DAB2IP: variants seen among roughly 807,000 people sequenced by gnomAD.
The protein encoded by DAB2IP is DAB2 interacting protein.
In DAB2IP, 28 loss-of-function variants were observed where a neutral mutation model predicts 107.2. The ratio of observed to expected loss-of-function variants is 0.26; its 90% CI spans 0.19 to 0.36. The LOEUF (loss-of-function observed/expected upper bound fraction) is 0.36, where lower values mean the gene tolerates loss of function less well. Among genes scored for constraint, DAB2IP ranks in the 10% least tolerant of loss-of-function variants. DAB2IP has a pLI of 1.00. For missense variants in DAB2IP, 1,400 were observed against 1,644.7 expected (o/e 0.85, Z 2.57); for synonymous variants, 755 against 706.4 (o/e 1.07, Z -1.09).
intron 1 of DAB2IP, among the ~76,000 whole-genome samples, chr9:121,614,964 C>A (rs1345532329): frequency 1.3e-5 from 2 of 151,406 alleles, no homozygotes; most frequent in Non-Finnish European, 2.9e-5. Flanking sequence ...GAACTCCTGA[C>A]CTCAGGTGAT....
At chr9:121,759,834 G>C in intron 5 of DAB2IP, 51 bp from the exon 6 acceptor site, 1 of 1,527,754 alleles carries the variant, frequency 6.5e-7, no homozygotes, top group Non-Finnish European at 8.9e-7. Context: ...CTGGTTGGGG[G>C]TTGCACGTGG....
At chr9:121,625,627 T>C (rs1178452037) in intron 1 of DAB2IP, among the ~76,000 whole-genome samples, 1 of 151,350 alleles carries the variant, frequency 6.6e-6, no homozygotes, top group Non-Finnish European at 1.5e-5. Flanking sequence ...GTTTTGGAGT[T>C]TGGGCTGATG....
chr9:121,699,206 C>G lies in DAB2IP; in HGVS notation c.229-119C>G. ...GCGAGCTGCTGGGGCCGAGCCCGAGCCCGGCCCGCCCTCGGCCGCGCGGCC... is the reference window on the plus strand; with the variant it reads ...GCGAGCTGCTGGGGCCGAGCCCGAGGCCGGCCCGCCCTCGGCCGCGCGGCC... On this transcript the variant is annotated intron_variant, in intron 2 of 15. Transcript: ENST00000408936. This position sits in a 1 kb window ranked among gnomAD's most constrained non-coding sequence, Gnocchi z 6.2. 1 of 981,194 alleles carries G rather than the reference C, an allele frequency of 1.0e-6. No individual in the cohort carries two copies. Among genetic ancestry groups the G allele is most frequent in the Non-Finnish European group, 1.2e-6 (1 of 827,788 alleles). 60.8% of individuals were successfully genotyped at this position (981,194 alleles called of 1,614,324 possible).
In DAB2IP at chr9:121,606,167, C is replaced by A. The variant is rs568695925; in HGVS notation, c.40+38939C>A. On this transcript the variant is annotated intron_variant, in intron 1 of 16. Transcript: ENST00000259371. ...GACCAGCCTGGTCAACATGGTGAAA[C>A]CCCGTCTGTAATAAAAATACAAAAA... 1.8e-4 allele frequency among the ~76,000 whole-genome samples: 27 copies of A among 152,144 alleles called. No homozygotes were observed. In the South Asian group the frequency reaches 5.0e-3, roughly 28 times the overall value.
At chr9:121,588,171 C>A (rs776328403) in intron 1 of DAB2IP, among the ~76,000 whole-genome samples, 8 of 152,128 alleles carry the variant, frequency 5.3e-5, no homozygotes, top group Non-Finnish European at 1.0e-4. Context: ...TTACTTCTGG[C>A]TGCATAGGGA....
At chr9:121,685,599 GTCTGCGAGCCT>G (rs1828834617) in intron 2 of DAB2IP, among the ~76,000 whole-genome samples, 1 of 152,262 alleles carries the variant, frequency 6.6e-6, no homozygotes, top group Non-Finnish European at 1.5e-5. Context: ...CCCAGCTCTC[GTCTGCGAGCCT>G]TGCTGCGGTG....
intron 1 of DAB2IP, among the ~76,000 whole-genome samples, chr9:121,596,584 TATTTGAG>T (rs749659785): frequency 1.8e-4 from 27 of 150,832 alleles, no homozygotes; most frequent in Admixed American, 2.6e-4. Flanking sequence ...TCCCTCCCCT[TATTTGAG>T]ATTTGAGATT....
chr9:121,722,115 C>T (rs1237331946), intron 3 of DAB2IP, among the ~76,000 whole-genome samples: 1 of 152,210 alleles, frequency 6.6e-6, no homozygotes. Flanking sequence ...GAGAAACCTC[C>T]AGGACACACG....
intron 1 of DAB2IP, among the ~76,000 whole-genome samples, chr9:121,602,765 C>G (rs1252268605): frequency 6.6e-6 from 1 of 152,100 alleles, no homozygotes; most frequent in Non-Finnish European, 1.5e-5. Context: ...TTAGTGGAGA[C>G]AGGGTTTCAC....
chr9:121,656,520 C>T (rs906256912), intron 1 of DAB2IP, among the ~76,000 whole-genome samples: 1 of 152,366 alleles, frequency 6.6e-6, no homozygotes, highest in African/African-American at 2.4e-5. Context: ...CTTGTCTCTT[C>T]TTCTGTTTCT....
intron 8 of DAB2IP, among the ~76,000 whole-genome samples, chr9:121,764,628 C>T (rs1247054214): frequency 1.3e-5 from 2 of 152,178 alleles, no homozygotes; most frequent in Non-Finnish European, 2.9e-5. Flanking sequence ...CATATTCACC[C>T]CAGAGGAGCT....
chr9:121,626,952 T>C (rs977041456), intron 1 of DAB2IP, among the ~76,000 whole-genome samples: 1 of 151,428 alleles, frequency 6.6e-6, no homozygotes, highest in Non-Finnish European at 1.5e-5. Context: ...AAGTACGAGA[T>C]CCCATCTACT....
At chr9:121,717,556 A>G (rs1310907322) in intron 3 of DAB2IP, among the ~76,000 whole-genome samples, 1 of 152,220 alleles carries the variant, frequency 6.6e-6, no homozygotes, top group Non-Finnish European at 1.5e-5. Flanking sequence ...GTATGTGTGC[A>G]TATGGACAGC....
At chr9:121,653,334 C>T (rs955687149) in intron 1 of DAB2IP, among the ~76,000 whole-genome samples, 7 of 151,774 alleles carry the variant, frequency 4.6e-5, no homozygotes, top group Non-Finnish European at 1.0e-4. Flanking sequence ...GTTCTTCTAT[C>T]TCTGTCCTTC....
At chr9:121,751,890 TA>T in intron 3 of DAB2IP, 1 of 977,274 alleles carries the variant, frequency 1.0e-6, no homozygotes, top group Non-Finnish European at 1.2e-6. Context: ...CAGGTCACCC[TA>T]GCCATGGCCT....
At position 121,684,371 on chromosome 9, in the gene DAB2IP, C is replaced by G. The variant is rs1828749547; in HGVS notation, c.228+5590C>G. ...GTCCCTCTCCCCCGCATCCAGTGGT[C>G]CTCACCCCTTACTCCTTCCTGTCCT... On this transcript the variant is annotated intron_variant, in intron 2 of 15. Transcript: ENST00000408936. The surrounding 1 kb of genome is among the most constrained non-coding windows in gnomAD (Gnocchi z 4.0). Among the ~76,000 whole-genome samples, 1 of 152,132 alleles carries G rather than the reference C, an allele frequency of 6.6e-6. No homozygotes were observed. Among genetic ancestry groups the G allele is most frequent in the African/African-American group, 2.4e-5 (1 of 41,414 alleles).
intron 3 of DAB2IP, among the ~76,000 whole-genome samples, chr9:121,753,972 A>G (rs1260959655): frequency 2.6e-5 from 4 of 152,104 alleles, no homozygotes; most frequent in African/African-American, 7.2e-5. Context: ...TGGCCCAACA[A>G]TGCCAGCATG....
At chr9:121,567,553 C>T (rs145952932) in intron 1 of DAB2IP, among the ~76,000 whole-genome samples, 1 of 152,334 alleles carries the variant, frequency 6.6e-6, no homozygotes, top group Non-Finnish European at 1.5e-5. Context: ...CTGCCTACCT[C>T]GCTGTTCGCC....
chr9:121,780,812 A>G (rs1181544070), intron 14 of DAB2IP, among the ~76,000 whole-genome samples: 1 of 152,118 alleles, frequency 6.6e-6, no homozygotes, highest in African/African-American at 2.4e-5. Flanking sequence ...CGCGGGTGGT[A>G]TGTCCCCCAG....
Sources: gnomAD v4.1 joint callset for allele counts (sites outside exome capture counted in the v4.1 genomes callset) on GRCh38, gnomAD v4.1.1 for gene constraint, Gnocchi (gnomAD v3.1) non-coding constraint, MANE v1.5 for transcripts, NCBI Gene and HGNC (gene_info 2026-07-23, HGNC 2026-07-21) for gene names.